Variants in RBM33 observed in about 807,000 individuals in gnomAD.
RBM33 encodes RNA binding motif protein 33.
RBM33 carries 28 observed loss-of-function variants against 132.6 expected under a neutral mutation model. That is an observed-to-expected ratio of 0.21 (90% CI 0.16 to 0.29). The LOEUF (loss-of-function observed/expected upper bound fraction) is 0.29. RBM33 is among the 10% of genes least tolerant of loss of function. The pLI, the probability that RBM33 is intolerant of heterozygous loss-of-function variation, is 1.00. For synonymous variants in RBM33, 634 were observed against 593.0 expected, an observed-to-expected ratio of 1.07 and a Z score of -1.01; for missense variants, 1,291 against 1,518.5, an observed-to-expected ratio of 0.85 and a Z score of 2.49.
intron 1 of RBM33, among the ~76,000 whole-genome samples, chr7:155,653,315 T>C (rs1173600782): frequency 6.6e-6 from 1 of 152,206 alleles, no homozygotes; most frequent in Non-Finnish European, 1.5e-5. Context: ...ATTCTATTTC[T>C]AAATAAGGCC....
intron 1 of RBM33, among the ~76,000 whole-genome samples, chr7:155,652,181 A>G (rs1402765996): frequency 6.6e-6 from 1 of 152,236 alleles, no homozygotes; most frequent in East Asian, 1.9e-4. Context: ...TATTGAGGAA[A>G]AAGAAGGTTG....
chr7:155,647,741 A>G (rs1798241431), intron 1 of RBM33, among the ~76,000 whole-genome samples: 1 of 152,230 alleles, frequency 6.6e-6, no homozygotes, highest in Non-Finnish European at 1.5e-5. Flanking sequence ...CAAAGGAGTC[A>G]TTTGGTATTG....
rs370320716 is a variant in RBM33, at chr7:155,711,291, C to T, written c.1037C>T (p.Pro346Leu). 1.7e-5 allele frequency: 27 copies of T among 1,606,230 alleles called. No homozygotes were observed. Among genetic ancestry groups the T allele is most frequent in the South Asian group, 4.4e-5 (4 of 89,960 alleles). ...CCGCAGCCGCTGCAGCCGCTGCTTC[C>T]GGTGCAGCACCCGCACCACCCATCC... is the stretch of plus-strand genomic sequence containing the variant. ...FQPQPLQPLLPVQHPHHPSPP... is the reference protein window; with the variant it reads ...FQPQPLQPLLLVQHPHHPSPP... Residue 346 changes from proline to leucine, a missense_variant, in exon 8 of 18, where the codon CCG becomes CTG. Coordinates refer to ENST00000401878, the MANE Select transcript of RBM33 (RefSeq NM_053043.3).
At chr7:155,760,835 T>C (rs186600175) in intron 14 of RBM33, among the ~76,000 whole-genome samples, 5 of 152,278 alleles carry the variant, frequency 3.3e-5, no homozygotes, top group Admixed American at 3.3e-4. Flanking sequence ...GAAGACCTTG[T>C]GGAGAAGATT....
At chr7:155,763,726 CT>C (rs1802112873) in intron 14 of RBM33, 85 bp from the exon 15 acceptor site, 1 of 1,263,632 alleles carries the variant, frequency 7.9e-7, no homozygotes, top group African/African-American at 1.5e-5. Context: ...TGGGTGAACA[CT>C]GGCTGAGGTG....
intron 7 of RBM33, among the ~76,000 whole-genome samples, chr7:155,708,082 T>C (rs1273476975): frequency 6.6e-6 from 1 of 152,266 alleles, no homozygotes; most frequent in Non-Finnish European, 1.5e-5. Context: ...TTTACATTTT[T>C]ATCTGAATTT....
In RBM33 at chr7:155,777,629, T is replaced by G. The variant is rs974997326; in HGVS notation, c.*2588T>G. The G allele has an allele frequency of 1.3e-5, 2 of 152,664 alleles. No homozygotes were observed. The highest frequency in any genetic ancestry group is 1.5e-5 in the Non-Finnish European group (1 of 68,042). 9.5% of individuals were successfully genotyped at this position (152,664 alleles called of 1,614,324 possible). ...TCTTGAGTTCATCATGCATTTAAAA[T>G]GAGATGCAAGAGCATTTAGCATACC... On this transcript the variant is annotated 3_prime_UTR_variant, in exon 18 of 18. Coordinates refer to ENST00000401878, the MANE Select transcript of RBM33 (RefSeq NM_053043.3).
intron 3 of RBM33, among the ~76,000 whole-genome samples, chr7:155,673,766 GCGCA>G (rs1377190395): frequency 4.5e-4 from 54 of 120,304 alleles, no homozygotes; most frequent in East Asian, 2.6e-3. Context: ...GCGCGCATGC[GCGCA>G]CACACACACA....
chr7:155,677,079 A>G (rs1282334722), intron 3 of RBM33, among the ~76,000 whole-genome samples: 1 of 152,078 alleles, frequency 6.6e-6, no homozygotes, highest in African/African-American at 2.4e-5. Context: ...ACTGAGTTGG[A>G]CAGCCAAACT....
At chr7:155,665,570 T>C (rs953523569) in intron 2 of RBM33, among the ~76,000 whole-genome samples, 4 of 152,262 alleles carry the variant, frequency 2.6e-5, no homozygotes, top group African/African-American at 9.6e-5. Flanking sequence ...GCCAGAGTTC[T>C]TTAAGCTCTA....
At chr7:155,706,820 T>C (rs763220465) in intron 6 of RBM33, 40 bp from the exon 7 acceptor site, 23 of 1,512,712 alleles carry the variant, frequency 1.5e-5, no homozygotes, top group Middle Eastern at 3.4e-4. Context: ...CAGTTTGGGC[T>C]CTCGGAAAGT....
chr7:155,696,799 C>T (rs534992233), intron 5 of RBM33, among the ~76,000 whole-genome samples: 2 of 152,202 alleles, frequency 1.3e-5, no homozygotes, highest in African/African-American at 4.8e-5. Flanking sequence ...CCATCGTTGT[C>T]TCTCCATTCC....
rs751483420 is a variant in RBM33 at position 155,680,842 on chromosome 7, G to A, written c.501G>A (p.Glu167=). 2 of 1,613,850 alleles carry A rather than the reference G, an allele frequency of 1.2e-6. No homozygotes were observed. Among genetic ancestry groups the A allele is most frequent in the Non-Finnish European group, 1.7e-6 (2 of 1,179,824 alleles). The change falls in exon 5 of 18, where the codon GAG becomes GAA. Residue 167 remains glutamate (E), a synonymous_variant. Transcript: ENST00000401878. ...EDQIEYVEEP[E]EEQLYTDEVL... ...AAATAGAATATGTGGAAGAGCCAGA[G>A]GAGGAGCAGCTTTACACTGATGAAG...
chr7:155,775,977 G>A lies in RBM33; in HGVS notation c.*936G>A, dbSNP rs1168592575. ...AGTCACCTCTGTTTTTCTGAAGGCT[G>A]TTCCAGCAGGGCTGCCCTGTTCATC... On this transcript the variant is annotated 3_prime_UTR_variant, in exon 18 of 18. Coordinates refer to ENST00000401878, the MANE Select transcript of RBM33 (RefSeq NM_053043.3). The A allele has an allele frequency of 6.6e-6, 1 of 152,262 alleles. No individual in the cohort carries two copies. Among genetic ancestry groups the A allele is most frequent in the African/African-American group, 2.4e-5 (1 of 41,454 alleles). The allele number at this position is 152,262 out of a possible 1,614,324, so 9.4% of individuals were successfully genotyped here.
Position 155,745,486 on chromosome 7 carries a change from C to T in RBM33, c.2863C>T (p.Arg955Trp), listed in dbSNP as rs144842388. ...TCCTCGAGTGGCGTCCATCCAGGGC[C>T]GGCCCCAGGACACAAAGCCTGGCGT... ...QTPRVASIQG[R>W]PQDTKPGVKR... The change falls in exon 14 of 18, where the codon CGG becomes TGG. Residue 955 changes from arginine (R) to tryptophan (W), a missense_variant. Arg to Trp is a moderately radical substitution (Grantham distance 101, BLOSUM62 -3). Coordinates refer to ENST00000401878, the MANE Select transcript of RBM33 (RefSeq NM_053043.3). This position sits in a 1 kb window ranked among gnomAD's most constrained non-coding sequence, Gnocchi z 4.1. 4.5e-4 allele frequency: 726 copies of T among 1,613,526 alleles called. 1 individual carries two copies. The highest frequency in any genetic ancestry group is 5.7e-4 in the Non-Finnish European group (670 of 1,179,800).
chr7:155,734,695 C>G (rs1404663877), intron 9 of RBM33, among the ~76,000 whole-genome samples: 5 of 152,150 alleles, frequency 3.3e-5, no homozygotes, highest in Admixed American at 2.0e-4. Context: ...TCCCGTGTGC[C>G]TCCTCCCCCG....
chr7:155,658,473 T>C (rs1176073923), intron 1 of RBM33, among the ~76,000 whole-genome samples: 1 of 149,058 alleles, frequency 6.7e-6, no homozygotes, highest in Non-Finnish European at 1.5e-5. Flanking sequence ...CTGCAACCTC[T>C]GGCCCACTGC....
chr7:155,653,836 A>C (rs1798421550), intron 1 of RBM33, among the ~76,000 whole-genome samples: 1 of 152,212 alleles, frequency 6.6e-6, no homozygotes, highest in African/African-American at 2.4e-5. Flanking sequence ...TGATAACCCC[A>C]GAATTTGTAG....
In RBM33 at chr7:155,716,316, G is replaced by GTTTTTTTTTTTTTTTTTTTTTTT. The variant is rs59289310; in HGVS notation, c.1202-2053_1202-2052insTTTTTTTTTTTTTTTTTTTTTTT. ...TGTCAGCTGTTTTTCCTTTTCTGCTGTTTTTTTTTTTTTTTTAAATAGGGA... is the reference window on the plus strand; with the variant it reads ...TGTCAGCTGTTTTTCCTTTTCTGCTGTTTTTTTTTTTTTTTTTTTTTTTTTTTTTTTTTTTTTTTAAATAGGGA... On this transcript the variant is annotated intron_variant, in intron 8 of 17. Coordinates refer to ENST00000401878, the MANE Select transcript of RBM33 (RefSeq NM_053043.3). Among the ~76,000 whole-genome samples, 53 of 102,350 alleles carry GTTTTTTTTTTTTTTTTTTTTTTT rather than the reference G, an allele frequency of 5.2e-4. 3 individuals carry two copies. Among genetic ancestry groups the GTTTTTTTTTTTTTTTTTTTTTTT allele is most frequent in the African/African-American group, 6.7e-4 (17 of 25,396 alleles). The allele number at this position is 102,350 out of a possible 152,430, so 67.1% of individuals were successfully genotyped here.
Sources: allele counts gnomAD v4.1 joint callset (sites outside exome capture counted in the v4.1 genomes callset), GRCh38; gene constraint gnomAD v4.1.1; non-coding constraint Gnocchi (gnomAD v3.1); transcripts MANE v1.5; gene names NCBI Gene and HGNC (gene_info 2026-07-23, HGNC 2026-07-21).